The following BTG4 variants were observed in gnomAD, a reference collection of about 807,000 sequenced individuals.
BTG4 encodes protein BTG4.
Under a neutral mutation model 19.3 loss-of-function variants are expected in BTG4, and 10 were observed. That is an observed-to-expected ratio of 0.52 (90% CI 0.32 to 0.88). BTG4 has a LOEUF of 0.88. Ranked by LOEUF, BTG4 falls within the 40% of genes least tolerant of loss-of-function variation. The pLI, the probability that BTG4 is intolerant of heterozygous loss-of-function variation, is 0.04. For synonymous variants in BTG4, 91 were observed against 95.7 expected, an observed-to-expected ratio of 0.95 and a Z score of 0.29; for missense variants, 238 against 281.9, an observed-to-expected ratio of 0.84 and a Z score of 1.11.
intron 1 of BTG4, among the ~76,000 whole-genome samples, chr11:111,508,320 C>A (rs1231533325): frequency 6.6e-6 from 1 of 151,596 alleles, no homozygotes; most frequent in South Asian, 2.1e-4. Flanking sequence ...ACATTGTATA[C>A]ATCTGGGGCT....
At chr11:111,437,579 C>T in the BTG4 span, among the ~76,000 whole-genome samples, 3 of 152,198 alleles carry the variant, frequency 2.0e-5, no homozygotes, top group South Asian at 2.1e-4. Context: ...GCCAGTGAAC[C>T]AGCCACTGAA....
chr11:111,400,506 C>A, the BTG4 span, among the ~76,000 whole-genome samples: 1 of 152,106 alleles, frequency 6.6e-6, no homozygotes, highest in South Asian at 2.1e-4. Flanking sequence ...AATGTCTGAA[C>A]TTTAATATAG....
the BTG4 span, among the ~76,000 whole-genome samples, chr11:111,452,017 C>G: frequency 4.6e-5 from 7 of 152,330 alleles, no homozygotes; most frequent in East Asian, 1.2e-3. Flanking sequence ...TCCCAATCCT[C>G]CACTTTGTCT....
At chr11:111,475,770 T>A (rs1478810213) in intron 5 of BTG4, among the ~76,000 whole-genome samples, 1 of 152,152 alleles carries the variant, frequency 6.6e-6, no homozygotes, top group East Asian at 1.9e-4. Flanking sequence ...ATGCTGCTAA[T>A]AAAGACATGC....
the BTG4 span, among the ~76,000 whole-genome samples, chr11:111,395,066 T>C: frequency 6.6e-6 from 1 of 151,980 alleles, no homozygotes; most frequent in African/African-American, 2.4e-5. Flanking sequence ...GGCCTGAAAA[T>C]AGTGGAGAAT....
chr11:111,514,429 A>C, upstream of BTG4: 1 of 297,182 alleles, frequency 3.4e-6, no homozygotes, highest in Non-Finnish European at 6.5e-6. Flanking sequence ...GATTGGGGCA[A>C]TGGGGCTGAG....
the BTG4 span, chr11:111,453,357 C>G: frequency 2.4e-6 from 1 of 414,240 alleles, no homozygotes; most frequent in Non-Finnish European, 4.9e-6. Flanking sequence ...AGGAAGGATG[C>G]TGCTCCCTCA....
the BTG4 span, chr11:111,457,993 G>T: frequency 6.5e-6 from 1 of 152,762 alleles, no homozygotes; most frequent in Non-Finnish European, 1.5e-5. Context: ...ATATGGGAGG[G>T]CCACAGGCCC....
the BTG4 span, among the ~76,000 whole-genome samples, chr11:111,444,614 G>T: frequency 2.0e-5 from 3 of 152,272 alleles, no homozygotes; most frequent in African/African-American, 7.2e-5. Flanking sequence ...TTATTGAATT[G>T]TTGGTAACTC....
At chr11:111,441,068 T>TGAG in the BTG4 span, among the ~76,000 whole-genome samples, 3 of 151,174 alleles carry the variant, frequency 2.0e-5, no homozygotes, top group Non-Finnish European at 2.9e-5. Flanking sequence ...GTTCCTGGAG[T>TGAG]GAGGGCACAA....
chr11:111,444,258 A>G, the BTG4 span, among the ~76,000 whole-genome samples: 1 of 127,188 alleles, frequency 7.9e-6, no homozygotes, highest in Non-Finnish European at 1.6e-5. Context: ...GAGAGAGAGG[A>G]GAGGAGAGGG....
chr11:111,481,868 A>G (rs1214067319), intron 5 of BTG4, among the ~76,000 whole-genome samples: 1 of 151,954 alleles, frequency 6.6e-6, no homozygotes, highest in Non-Finnish European at 1.5e-5. Context: ...ATTGATGAGT[A>G]TCTACTTAAT....
chr11:111,484,019 T>C (rs1339423358), intron 5 of BTG4, among the ~76,000 whole-genome samples: 1 of 152,182 alleles, frequency 6.6e-6, no homozygotes, highest in Non-Finnish European at 1.5e-5. Flanking sequence ...CTGGTATATC[T>C]GGCAGCAGAC....
At chr11:111,387,879 CT>C in the BTG4 span, among the ~76,000 whole-genome samples, 100 of 149,842 alleles carry the variant, frequency 6.7e-4, no homozygotes, top group Middle Eastern at 3.4e-3. Flanking sequence ...GCACAGAGAC[CT>C]TTTTTTTTTC....
intron 1 of BTG4, among the ~76,000 whole-genome samples, chr11:111,501,921 C>A (rs2135705039): frequency 6.6e-6 from 1 of 152,254 alleles, no homozygotes; most frequent in East Asian, 1.9e-4. Flanking sequence ...AATATTTAAA[C>A]ATCTACTATG....
the BTG4 span, among the ~76,000 whole-genome samples, chr11:111,431,641 T>G: frequency 1.3e-5 from 2 of 152,194 alleles, no homozygotes; most frequent in African/African-American, 4.8e-5. Flanking sequence ...GTGCAGAGGC[T>G]TAGCATCTAG....
At chr11:111,497,969 C>A in intron 3 of BTG4, 29 bp downstream of exon 3, 4 of 1,605,730 alleles carry the variant, frequency 2.5e-6, no homozygotes, top group Non-Finnish European at 3.4e-6. Flanking sequence ...CCAGGTATCA[C>A]ACAGCACACA....
chr11:111,472,870 T>C (rs1384887015), intron 5 of BTG4, among the ~76,000 whole-genome samples: 2 of 152,204 alleles, frequency 1.3e-5, no homozygotes. Context: ...TAGATTTATA[T>C]GGGCCCTGAT....
intron 1 of BTG4, among the ~76,000 whole-genome samples, chr11:111,504,322 A>T (rs753816686): frequency 6.6e-5 from 10 of 152,116 alleles, no homozygotes; most frequent in African/African-American, 2.4e-4. Flanking sequence ...ACAAAATTGC[A>T]TTTCCCAAAA....
Sources: allele counts gnomAD v4.1 joint callset (sites outside exome capture counted in the v4.1 genomes callset), GRCh38; gene constraint gnomAD v4.1.1; transcripts MANE v1.5; gene names NCBI Gene and HGNC (gene_info 2026-07-23, HGNC 2026-07-21).